Variants in PFKFB3 observed in about 807,000 individuals in gnomAD.
PFKFB3 encodes the protein 6-phosphofructo-2-kinase/fructose-2,6-bisphosphatase 3.
A neutral mutation model predicts 68.0 loss-of-function variants in PFKFB3; 33 were observed. That is an observed-to-expected ratio of 0.49 (90% CI 0.37 to 0.65). PFKFB3 has a LOEUF of 0.65. PFKFB3 is among the 30% of genes least tolerant of loss of function. The pLI, the probability that PFKFB3 is intolerant of heterozygous loss-of-function variation, is 0.00. For synonymous variants in PFKFB3, 315 were observed against 288.2 expected (o/e 1.09, Z -0.94); for missense variants, 586 against 712.2 (o/e 0.82, Z 2.02).
chr10:6,235,887 C>T (rs182370887), downstream of PFKFB3, among the ~76,000 whole-genome samples: 59 of 151,844 alleles, frequency 3.9e-4, no homozygotes, highest in Middle Eastern at 3.4e-3. Flanking sequence ...GTGCCTTAGC[C>T]TCCCTAGTAG....
At chr10:6,277,191 G>A in the PFKFB3 span, among the ~76,000 whole-genome samples, 1 of 151,914 alleles carries the variant, frequency 6.6e-6, no homozygotes, top group South Asian at 2.1e-4. Flanking sequence ...TTGGATCATG[G>A]GGATGGTTTC....
the PFKFB3 span, among the ~76,000 whole-genome samples, chr10:6,306,083 C>T: frequency 3.1e-3 from 476 of 152,276 alleles, no homozygotes; most frequent in Non-Finnish European, 5.2e-3. Flanking sequence ...AGAGCAGAGG[C>T]TCTTCACAGG....
chr10:6,220,852 G>GC lies in PFKFB3; in HGVS notation c.820dup (p.Arg274ProfsTer50). The GC allele has an allele frequency of 6.2e-7, 1 of 1,611,612 alleles. No individual in the cohort carries two copies. Among genetic ancestry groups the GC allele is most frequent in the Non-Finnish European group, 8.5e-7 (1 of 1,179,980 alleles). On this transcript the variant is annotated frameshift_variant, in exon 8 of 15. Coordinates refer to ENST00000379775, the MANE Select transcript of PFKFB3 (RefSeq NM_004566.4). LOFTEE classifies it high-confidence loss of function. This position sits in a 1 kb window ranked among gnomAD's most constrained non-coding sequence, Gnocchi z 4.1. ...ATCGGGGGCGACTCAGGCCTGTCCA[G>GC]CCGGGGCAAGAAGGTGCGGGGTGTG...
At chr10:6,202,344 AG>A (rs1474813791), upstream of PFKFB3, 1 of 152,196 alleles carries the variant, frequency 6.6e-6, no homozygotes, top group African/African-American at 2.4e-5. Flanking sequence ...GTGAGGTGGG[AG>A]GATCAGGGAA....
At chr10:6,246,082 C>T (rs1455845223) in intron 14 of PFKFB3, among the ~76,000 whole-genome samples, 7 of 152,270 alleles carry the variant, frequency 4.6e-5, no homozygotes, top group African/African-American at 1.4e-4. Flanking sequence ...GGCCTGGATG[C>T]CCTGGGTTGA....
intron 12 of PFKFB3, 32 bp downstream of exon 12, chr10:6,224,052 C>T (rs755835763): frequency 6.8e-6 from 11 of 1,613,530 alleles, no homozygotes; most frequent in South Asian, 5.5e-5. Context: ...GCCCTGTCCC[C>T]CTGAAGGTGG....
intron 1 of PFKFB3, among the ~76,000 whole-genome samples, chr10:6,176,941 C>T (rs574566149): frequency 2.0e-5 from 3 of 152,300 alleles, no homozygotes; most frequent in South Asian, 2.1e-4. Flanking sequence ...GAGTGAGTTC[C>T]GGACAGGACA....
the PFKFB3 span, among the ~76,000 whole-genome samples, chr10:6,321,180 A>G: frequency 2.6e-5 from 4 of 152,120 alleles, no homozygotes; most frequent in Non-Finnish European, 5.9e-5. Context: ...TTTCCCAGGA[A>G]GTAGAAGTAG....
chr10:6,212,391 C>T (rs770206612), intron 1 of PFKFB3, among the ~76,000 whole-genome samples: 2 of 152,298 alleles, frequency 1.3e-5, no homozygotes, highest in African/African-American at 4.8e-5. Flanking sequence ...ATGCCAAGAC[C>T]GTCATGTAGC....
At chr10:6,289,091 A>T in the PFKFB3 span, among the ~76,000 whole-genome samples, 95 of 149,834 alleles carry the variant, frequency 6.3e-4, no homozygotes, top group African/African-American at 2.1e-3. Flanking sequence ...TTCATCGTAG[A>T]TTCTGGATAT....
the PFKFB3 span, among the ~76,000 whole-genome samples, chr10:6,277,015 T>TG: frequency 1.3e-5 from 2 of 152,256 alleles, no homozygotes; most frequent in South Asian, 4.2e-4. Context: ...CCTCCCCACC[T>TG]GCTGGCAACC....
chr10:6,166,694 C>G (rs1842150228), intron 1 of PFKFB3, among the ~76,000 whole-genome samples: 1 of 152,138 alleles, frequency 6.6e-6, no homozygotes, highest in African/African-American at 2.4e-5. Flanking sequence ...GGCCCATTGC[C>G]CCTTTAACAA....
At chr10:6,272,710 G>A in the PFKFB3 span, among the ~76,000 whole-genome samples, 1 of 151,888 alleles carries the variant, frequency 6.6e-6, no homozygotes, top group Non-Finnish European at 1.5e-5. Context: ...AAAGAAAAAA[G>A]AAATAGGTCG....
At chr10:6,194,802 T>A (rs1381861319) in intron 1 of PFKFB3, among the ~76,000 whole-genome samples, 1 of 152,058 alleles carries the variant, frequency 6.6e-6, no homozygotes, top group Non-Finnish European at 1.5e-5. Flanking sequence ...AGAGCTTCAC[T>A]CTGTGAAGGG....
chr10:6,206,185 C>T (rs879837427), intron 1 of PFKFB3, among the ~76,000 whole-genome samples: 29 of 145,280 alleles, frequency 2.0e-4, no homozygotes, highest in Non-Finnish European at 3.2e-4. Context: ...AGCATCTGTT[C>T]AACAAAGCAC....
the PFKFB3 span, among the ~76,000 whole-genome samples, chr10:6,283,753 C>A: frequency 5.3e-5 from 8 of 152,286 alleles, no homozygotes; most frequent in South Asian, 1.7e-3. Context: ...CCAGGTGAAC[C>A]AATCGTGCAA....
At chr10:6,312,314 A>ATT in the PFKFB3 span, among the ~76,000 whole-genome samples, 4 of 152,058 alleles carry the variant, frequency 2.6e-5, no homozygotes, top group East Asian at 3.9e-4. Flanking sequence ...TAAAATATAC[A>ATT]TTTTTTTCCA....
intron 13 of PFKFB3, chr10:6,224,709 A>T: frequency 3.1e-6 from 1 of 319,398 alleles, no homozygotes; most frequent in South Asian, 2.4e-5. Flanking sequence ...CTGGTCTTGA[A>T]CTCCTGGGCT....
chr10:6,190,364 T>G (rs761481177), intron 1 of PFKFB3, among the ~76,000 whole-genome samples: 80 of 152,266 alleles, frequency 5.3e-4, no homozygotes, highest in Admixed American at 1.1e-3. Flanking sequence ...TGTACTTATT[T>G]GTTGATATTC....
Sources: allele counts gnomAD v4.1 joint callset (sites outside exome capture counted in the v4.1 genomes callset), GRCh38; gene constraint gnomAD v4.1.1; non-coding constraint Gnocchi (gnomAD v3.1); transcripts MANE v1.5; gene names NCBI Gene and HGNC (gene_info 2026-07-23, HGNC 2026-07-21).